Variants in NCOA2 observed in about 807,000 individuals in gnomAD.
NCOA2 encodes nuclear receptor coactivator 2, also known as class E basic helix-loop-helix protein 75.
Under a neutral mutation model 145.1 loss-of-function variants are expected in NCOA2, and 21 were observed. The observed-to-expected ratio is 0.14, with a 90% confidence interval of 0.10 to 0.21. The LOEUF is 0.21. NCOA2 is among the 10% of genes least tolerant of loss of function. The pLI is 1.00. For missense variants in NCOA2, 1,472 were observed against 1,837.6 expected (o/e 0.80, Z 3.64); for synonymous variants, 619 against 637.5 (o/e 0.97, Z 0.44).
chr8:70,212,064 C>T (rs565721612), intron 4 of NCOA2, among the ~76,000 whole-genome samples: 1,085 of 77,918 alleles, frequency 0.014, 18 homozygotes, highest in African/African-American at 0.057. Context: ...TTCTTTGTGG[C>T]GCATATATAT....
rs560214062 is a variant in NCOA2 at position 70,147,107 on chromosome 8, C to G, written c.2605+1166G>C. ...GAGGTTTGAGAGGTCACATGCAAAT[C>G]TTTCGCGCGCGCGCGCGCGCGTGTG... On this transcript the variant is annotated intron_variant, in intron 12 of 22. Transcript: ENST00000452400. Among the ~76,000 whole-genome samples the G allele has an allele frequency of 6.2e-5, 9 of 145,902 alleles. No individual in the cohort carries two copies. In the East Asian group the frequency reaches 1.4e-3, roughly 23 times the overall value.
At chr8:70,274,205 GA>G (rs201704083) in intron 2 of NCOA2, among the ~76,000 whole-genome samples, 8,851 of 112,032 alleles carry the variant, frequency 0.079, 800 homozygotes, top group African/African-American at 0.24. Flanking sequence ...CTCATGTTTG[GA>G]AAAAAAAAAA....
At chr8:70,408,088 C>A (rs1814810089), upstream of NCOA2, among the ~76,000 whole-genome samples, 1 of 152,158 alleles carries the variant, frequency 6.6e-6, no homozygotes, top group Non-Finnish European at 1.5e-5. Flanking sequence ...TATTAATACA[C>A]CCACACTCAT....
At chr8:70,451,957 G>GTATT in the NCOA2 span, among the ~76,000 whole-genome samples, 1 of 151,196 alleles carries the variant, frequency 6.6e-6, no homozygotes, top group Admixed American at 6.6e-5. Context: ...GGCATTTAAG[G>GTATT]TGTTTGTTTG....
chr8:70,454,316 G>A, the NCOA2 span, among the ~76,000 whole-genome samples: 1 of 152,312 alleles, frequency 6.6e-6, no homozygotes, highest in East Asian at 1.9e-4. Context: ...CAGCTCGGCA[G>A]CTCTGAACTG....
At chr8:70,441,366 G>A in the NCOA2 span, among the ~76,000 whole-genome samples, 3 of 136,922 alleles carry the variant, frequency 2.2e-5, no homozygotes, top group South Asian at 7.1e-4. Flanking sequence ...AGAAAAGAAA[G>A]GAGAGAGAAA....
chr8:70,342,710 CTT>C (rs35859625), intron 1 of NCOA2, among the ~76,000 whole-genome samples: 6 of 140,826 alleles, frequency 4.3e-5, no homozygotes, highest in South Asian at 2.3e-4. Flanking sequence ...ACTACATTAC[CTT>C]TTTTTTTTTT....
intron 1 of NCOA2, among the ~76,000 whole-genome samples, chr8:70,309,978 A>C (rs1335571070): frequency 2.6e-5 from 4 of 151,886 alleles, no homozygotes; most frequent in African/African-American, 4.8e-5. Context: ...AACAAACAAA[A>C]AAACGAAACC....
intron 15 of NCOA2, among the ~76,000 whole-genome samples, chr8:70,132,826 T>C (rs577710753): frequency 3.3e-5 from 5 of 152,220 alleles, no homozygotes; most frequent in African/African-American, 1.2e-4. Context: ...TCGGTCTCCC[T>C]AAGTGCTGGG....
the NCOA2 span, chr8:70,424,480 A>G: frequency 7.7e-6 from 4 of 521,578 alleles, no homozygotes; most frequent in South Asian, 4.3e-5. Flanking sequence ...CACACCCTCA[A>G]TGGCAGTGAT....
intron 2 of NCOA2, among the ~76,000 whole-genome samples, chr8:70,269,643 C>A (rs1824888702): frequency 6.6e-6 from 1 of 152,082 alleles, no homozygotes. Context: ...AAAGTTGTGG[C>A]TTCAACTTAA....
chr8:70,177,455 A>AC (rs1373551454), intron 4 of NCOA2, among the ~76,000 whole-genome samples: 1 of 152,152 alleles, frequency 6.6e-6, no homozygotes. Flanking sequence ...GGCTAGACCC[A>AC]CCACCAGCAC....
At chr8:70,122,536 C>T (rs114117269) in intron 21 of NCOA2, among the ~76,000 whole-genome samples, 5,268 of 152,088 alleles carry the variant, frequency 0.035, 315 homozygotes, top group African/African-American at 0.12. Context: ...GGATTATAGG[C>T]ACAAGCCAAC....
intron 1 of NCOA2, among the ~76,000 whole-genome samples, chr8:70,300,082 A>G (rs1389043471): frequency 6.6e-6 from 1 of 152,200 alleles, no homozygotes; most frequent in Non-Finnish European, 1.5e-5. Context: ...TAGAAAAAGT[A>G]AAACTATAAA....
rs552212313 is a variant in NCOA2, at chr8:70,322,738, A to G, written c.-76-25938T>C. Among the ~76,000 whole-genome samples the G allele has an allele frequency of 1.9e-3, 282 of 152,326 alleles. 1 individual carries two copies. The highest frequency in any genetic ancestry group is 6.1e-3 in the African/African-American group (255 of 41,580). Reference sequence around the variant, plus strand: ...AGTTTTTAACAGAACAATATATTGTATGTAAAGTACCTAGGAAAGGGTCTG... The same window carrying G: ...AGTTTTTAACAGAACAATATATTGTGTGTAAAGTACCTAGGAAAGGGTCTG... On this transcript the variant is annotated intron_variant, in intron 1 of 22. Coordinates refer to ENST00000452400, the MANE Select transcript of NCOA2 (RefSeq NM_006540.4).
the NCOA2 span, among the ~76,000 whole-genome samples, chr8:70,441,388 G>A: frequency 1.2e-4 from 5 of 42,974 alleles, no homozygotes; most frequent in Non-Finnish European, 2.5e-4. Context: ...AAAGAAGAAA[G>A]AGAAAGAAAG....
rs1405228586 is a variant in NCOA2, at chr8:70,342,626, GAATT to G, written c.-76-45830_-76-45827del. Among the ~76,000 whole-genome samples, 10 of 151,584 alleles carry G rather than the reference GAATT, an allele frequency of 6.6e-5. No homozygotes were observed. The East Asian group carries it at 1.9e-3, about 29-fold the overall frequency. On this transcript the variant is annotated intron_variant, in intron 1 of 22. Coordinates refer to ENST00000452400, the MANE Select transcript of NCOA2 (RefSeq NM_006540.4). Reference sequence around the variant, plus strand: ...TACTTGCCACAGATTGTCACATGCTGAATTAATGCCAAGCAGAGACATTCTAGAA... The same window carrying G: ...TACTTGCCACAGATTGTCACATGCTGAATGCCAAGCAGAGACATTCTAGAA...
chr8:70,335,348 C>T (rs1332177233), intron 1 of NCOA2, among the ~76,000 whole-genome samples: 1 of 151,992 alleles, frequency 6.6e-6, no homozygotes, highest in African/African-American at 2.4e-5. Context: ...CAGAACTGAG[C>T]TGGTTTGTCT....
chr8:70,442,123 G>GAAAGAAAGAAAGAAAC, the NCOA2 span, among the ~76,000 whole-genome samples: 15 of 111,174 alleles, frequency 1.3e-4, no homozygotes, highest in Non-Finnish European at 1.3e-4. Context: ...AAAGAAGAAA[G>GAAAGAAAGAAAGAAAC]AAAGAAAGAA....
Sources: gnomAD v4.1 joint callset for allele counts (sites outside exome capture counted in the v4.1 genomes callset) on GRCh38, gnomAD v4.1.1 for gene constraint, MANE v1.5 for transcripts, NCBI Gene and HGNC (gene_info 2026-07-23, HGNC 2026-07-21) for gene names.